Variants in GALNT18 observed in about 807,000 individuals in gnomAD.
GALNT18 encodes GalNAc-transferase 18.
Under a neutral mutation model 69.5 loss-of-function variants are expected in GALNT18, and 44 were observed. That is an observed-to-expected ratio of 0.63 (90% CI 0.50 to 0.81). The LOEUF (loss-of-function observed/expected upper bound fraction) is 0.81, where lower values mean the gene tolerates loss of function less well. GALNT18 is among the 40% of genes least tolerant of loss of function. GALNT18 has a pLI of 0.00. For synonymous variants in GALNT18, 364 were observed against 318.2 expected (o/e 1.14, Z -1.53); for missense variants, 715 against 810.0 (o/e 0.88, Z 1.42).
At chr11:11,448,137 T>C (rs1855701457) in intron 2 of GALNT18, among the ~76,000 whole-genome samples, 1 of 151,844 alleles carries the variant, frequency 6.6e-6, no homozygotes. Context: ...ACTCCAGATA[T>C]AAGCTCACTG....
chr11:11,502,798 G>C (rs181593300), intron 1 of GALNT18, among the ~76,000 whole-genome samples: 1 of 152,186 alleles, frequency 6.6e-6, no homozygotes, highest in Admixed American at 6.5e-5. Context: ...CATGAGAGGC[G>C]TAGCGTATCC....
chr11:11,493,527 G>A, intron 1 of GALNT18, among the ~76,000 whole-genome samples: 1 of 152,136 alleles, frequency 6.6e-6, no homozygotes. Context: ...CAATATTGAG[G>A]AATTGTTAAG....
At chr11:11,423,979 G>A (rs919637910) in intron 3 of GALNT18, among the ~76,000 whole-genome samples, 1 of 152,196 alleles carries the variant, frequency 6.6e-6, no homozygotes, top group Non-Finnish European at 1.5e-5. Flanking sequence ...TAGGGGCACT[G>A]GGGGTCACTT....
rs1253151136 is a variant in GALNT18 at position 11,454,884 on chromosome 11, A to T, written c.236-5948T>A. Among the ~76,000 whole-genome samples, 1 of 152,206 alleles carries T rather than the reference A, an allele frequency of 6.6e-6. No homozygotes were observed. Among genetic ancestry groups the T allele is most frequent in the African/African-American group, 2.4e-5 (1 of 41,456 alleles). ...GGAGGATTCCCTCCAGAGGACACTA[A>T]TCACTCCACCCTTGAAGAGAAAGGT... On this transcript the variant is annotated intron_variant, in intron 1 of 10. Transcript: ENST00000227756. The surrounding 1 kb of genome is among the most constrained non-coding windows in gnomAD (Gnocchi z 4.2).
chr11:11,604,576 A>G lies in GALNT18; in HGVS notation c.235+16783T>C, dbSNP rs1859704476. On this transcript the variant is annotated intron_variant, in intron 1 of 10. Transcript: ENST00000227756. This position sits in a 1 kb window ranked among gnomAD's most constrained non-coding sequence, Gnocchi z 5.6. ...GCCTGGCACCAAGTCTGCATGGCGG[A>G]GAGAAGGGTGATGTGGATCAGAATG... 6.6e-6 allele frequency among the ~76,000 whole-genome samples: 1 copy of G among 152,198 alleles called. No individual in the cohort carries two copies. Among genetic ancestry groups the G allele is most frequent in the Admixed American group, 6.5e-5 (1 of 15,280 alleles).
chr11:11,571,475 C>T (rs892160289), intron 1 of GALNT18, among the ~76,000 whole-genome samples: 11 of 152,332 alleles, frequency 7.2e-5, no homozygotes, highest in African/African-American at 2.6e-4. Context: ...CCCCCCAAGG[C>T]TCTAGTCCTC....
intron 10 of GALNT18, among the ~76,000 whole-genome samples, chr11:11,275,347 G>T (rs552159194): frequency 6.7e-6 from 1 of 149,362 alleles, no homozygotes; most frequent in Non-Finnish European, 1.5e-5. Context: ...TGTCTTTTGA[G>T]AAGTGTCTGT....
At chr11:11,443,234 C>A (rs997995659) in intron 2 of GALNT18, among the ~76,000 whole-genome samples, 1 of 152,152 alleles carries the variant, frequency 6.6e-6, no homozygotes, top group Non-Finnish European at 1.5e-5. Flanking sequence ...CTCACTTCAA[C>A]CCTGCGCCAT....
In GALNT18 at chr11:11,619,763, G is replaced by T. The variant is rs1251481793; in HGVS notation, c.235+1596C>A. Among the ~76,000 whole-genome samples the T allele has an allele frequency of 6.6e-6, 1 of 152,176 alleles. No individual in the cohort carries two copies. Among genetic ancestry groups the T allele is most frequent in the African/African-American group, 2.4e-5 (1 of 41,448 alleles). On this transcript the variant is annotated intron_variant, in intron 1 of 10. Coordinates refer to ENST00000227756, the MANE Select transcript of GALNT18 (RefSeq NM_198516.3). This position sits in a 1 kb window ranked among gnomAD's most constrained non-coding sequence, Gnocchi z 4.9. ...ATTAATAGTCAATCAAGACCTATGGGATGGAAAAGGACACGTAAGAAATAA... is the reference window on the plus strand; with the variant it reads ...ATTAATAGTCAATCAAGACCTATGGTATGGAAAAGGACACGTAAGAAATAA...
At chr11:11,612,442 C>G (rs1233918376) in intron 1 of GALNT18, among the ~76,000 whole-genome samples, 1 of 152,202 alleles carries the variant, frequency 6.6e-6, no homozygotes, top group Non-Finnish European at 1.5e-5. Flanking sequence ...CAAATCTCTC[C>G]TTAGCTTTCT....
At chr11:11,574,435 A>G (rs2134002609) in intron 1 of GALNT18, among the ~76,000 whole-genome samples, 1 of 152,348 alleles carries the variant, frequency 6.6e-6, no homozygotes, top group East Asian at 1.9e-4. Flanking sequence ...TTTTGATATC[A>G]AAACATAAGA....
chr11:11,434,748 A>G lies in GALNT18; in HGVS notation c.429-1961T>C, dbSNP rs143810407. Among the ~76,000 whole-genome samples the G allele has an allele frequency of 2.0e-5, 3 of 152,292 alleles. No homozygotes were observed. The East Asian group carries it at 5.8e-4, about 29-fold the overall frequency. On this transcript the variant is annotated intron_variant, in intron 2 of 10. Coordinates refer to ENST00000227756, the MANE Select transcript of GALNT18 (RefSeq NM_198516.3). ...AAAGAATGAAGGGAATAGGGAGGTG[A>G]GGGGAGGAACTTGAATGAAGGAGAA...
rs1384716044 is a variant in GALNT18 at position 11,592,246 on chromosome 11, A to C, written c.235+29113T>G. 6.6e-6 allele frequency among the ~76,000 whole-genome samples: 1 copy of C among 152,210 alleles called. No homozygotes were observed. The highest frequency in any genetic ancestry group is 1.5e-5 in the Non-Finnish European group (1 of 68,046). On this transcript the variant is annotated intron_variant, in intron 1 of 10. Transcript: ENST00000227756. The surrounding 1 kb of genome is among the most constrained non-coding windows in gnomAD (Gnocchi z 5.9). ...ATTTAATGACTCTAAAGAGACAGAA[A>C]AGCTTTAATCAATGCCCGGAAGTGA...
At chr11:11,344,914 G>T (rs1850276416) in intron 6 of GALNT18, among the ~76,000 whole-genome samples, 1 of 152,174 alleles carries the variant, frequency 6.6e-6, no homozygotes, top group Non-Finnish European at 1.5e-5. Context: ...ACCAGGCTGT[G>T]GGCTCAGGGA....
chr11:11,588,721 C>T (rs770158113), intron 1 of GALNT18, among the ~76,000 whole-genome samples: 2 of 152,200 alleles, frequency 1.3e-5, no homozygotes, highest in Non-Finnish European at 2.9e-5. Flanking sequence ...AATCTGGCTT[C>T]ACTGTGGATC....
At chr11:11,274,421 C>T (rs913769463) in intron 10 of GALNT18, among the ~76,000 whole-genome samples, 18 of 152,112 alleles carry the variant, frequency 1.2e-4, no homozygotes, top group African/African-American at 4.3e-4. Flanking sequence ...CCCACAGAGC[C>T]CAGCAAGCGA....
At chr11:11,483,882 G>A (rs770436743) in intron 1 of GALNT18, among the ~76,000 whole-genome samples, 2 of 152,096 alleles carry the variant, frequency 1.3e-5, no homozygotes, top group Non-Finnish European at 2.9e-5. Context: ...GTGTGTTTTT[G>A]GATGGATGAT....
At position 11,542,378 on chromosome 11, in the gene GALNT18, T is replaced by A. The variant is rs972062333; in HGVS notation, c.235+78981A>T. Among the ~76,000 whole-genome samples the A allele has an allele frequency of 6.6e-6, 1 of 152,172 alleles. No homozygotes were observed. Among genetic ancestry groups the A allele is most frequent in the African/African-American group, 2.4e-5 (1 of 41,436 alleles). On this transcript the variant is annotated intron_variant, in intron 1 of 10. Transcript: ENST00000227756. The surrounding 1 kb of genome is among the most constrained non-coding windows in gnomAD (Gnocchi z 4.3). ...ACCTCCTCTCCAGATCACTCCTACT[T>A]CCATGTTGTCTACATGTTTCTTTAT... is the stretch of plus-strand genomic sequence containing the variant.
At chr11:11,280,846 T>G (rs1017284122) in intron 10 of GALNT18, among the ~76,000 whole-genome samples, 1 of 152,180 alleles carries the variant, frequency 6.6e-6, no homozygotes, top group Non-Finnish European at 1.5e-5. Context: ...TCTCAAACTG[T>G]GGTCCACCTT....
Sources: gnomAD v4.1 joint callset for allele counts (sites outside exome capture counted in the v4.1 genomes callset) on GRCh38, gnomAD v4.1.1 for gene constraint, Gnocchi (gnomAD v3.1) non-coding constraint, MANE v1.5 for transcripts, NCBI Gene and HGNC (gene_info 2026-07-23, HGNC 2026-07-21) for gene names.